NAT1: variants seen among roughly 807,000 people sequenced by gnomAD.
NAT1 encodes arylamine N-acetyltransferase 1.
For synonymous variants in NAT1, 144 were observed against 122.6 expected (o/e 1.17, Z -1.16); for missense variants, 400 against 339.2 (o/e 1.18, Z -1.41).
intron 1 of NAT1, among the ~76,000 whole-genome samples, chr8:18,217,548 G>C (rs1804808720): frequency 6.6e-6 from 1 of 152,124 alleles, no homozygotes; most frequent in Non-Finnish European, 1.5e-5. Context: ...AAAGTAAGTG[G>C]GACTTTCTGT....
At chr8:18,180,970 T>C (rs1417391241) in intron 2 of NAT1, among the ~76,000 whole-genome samples, 2 of 152,138 alleles carry the variant, frequency 1.3e-5, no homozygotes, top group South Asian at 2.1e-4. Flanking sequence ...TTGGTCTGGA[T>C]TGCTTTAGCT....
upstream of NAT1, among the ~76,000 whole-genome samples, chr8:18,208,110 C>T (rs572479956): frequency 3.9e-4 from 52 of 134,706 alleles, no homozygotes; most frequent in Admixed American, 2.7e-3. Context: ...CACTGGGGCC[C>T]GTTGGGGTGA....
At chr8:18,200,205 G>T (rs891517764) in intron 2 of NAT1, among the ~76,000 whole-genome samples, 4 of 152,136 alleles carry the variant, frequency 2.6e-5, no homozygotes, top group Non-Finnish European at 5.9e-5. Flanking sequence ...ATACCCAAAG[G>T]AATATAAATT....
chr8:18,192,519 T>C (rs988497376), intron 2 of NAT1, among the ~76,000 whole-genome samples: 1 of 152,228 alleles, frequency 6.6e-6, no homozygotes, highest in Non-Finnish European at 1.5e-5. Flanking sequence ...TAAATCATGC[T>C]GCTATAAAGA....
intron 2 of NAT1, among the ~76,000 whole-genome samples, chr8:18,175,060 G>GAGTA (rs61625201): frequency 0.33 from 49,494 of 151,658 alleles, 10,502 homozygotes; most frequent in African/African-American, 0.6. Flanking sequence ...TTTTTGTAGA[G>GAGTA]AGTTTTAGTT....
chr8:18,203,919 C>G (rs1803586357), intron 2 of NAT1, among the ~76,000 whole-genome samples: 2 of 152,152 alleles, frequency 1.3e-5, no homozygotes. Flanking sequence ...AAGATGGTGG[C>G]TCCATCTTCC....
intron 2 of NAT1, among the ~76,000 whole-genome samples, chr8:18,192,835 T>C (rs1803056600): frequency 6.7e-6 from 1 of 149,150 alleles, no homozygotes; most frequent in African/African-American, 2.5e-5. Context: ...CTCTGGGGAC[T>C]GTTGTGGGGT....
At chr8:18,183,102 G>C (rs1005845099) in intron 2 of NAT1, among the ~76,000 whole-genome samples, 1 of 152,176 alleles carries the variant, frequency 6.6e-6, no homozygotes, top group Admixed American at 6.5e-5. Context: ...GGACTGGGAA[G>C]ACTAAGGTCA....
At chr8:18,214,909 G>A (rs1804479204) in intron 1 of NAT1, among the ~76,000 whole-genome samples, 1 of 152,120 alleles carries the variant, frequency 6.6e-6, no homozygotes, top group Non-Finnish European at 1.5e-5. Context: ...TCATGATTTA[G>A]CTCCCACTTA....
intron 2 of NAT1, among the ~76,000 whole-genome samples, chr8:18,204,163 TTCTCTCTCTC>T (rs111268683): frequency 1.3e-5 from 2 of 148,622 alleles, no homozygotes; most frequent in Admixed American, 6.7e-5. Context: ...TTGGATGTCT[TTCTCTCTCTC>T]TCTCTCTCTC....
At chr8:18,205,199 C>T (rs964148902), upstream of NAT1, among the ~76,000 whole-genome samples, 8 of 152,198 alleles carry the variant, frequency 5.3e-5, no homozygotes, top group South Asian at 2.1e-4. Flanking sequence ...GTAGGTTGCA[C>T]GCTTGTCAGC....
intron 1 of NAT1, among the ~76,000 whole-genome samples, chr8:18,217,862 C>A (rs1317285328): frequency 6.6e-6 from 1 of 152,094 alleles, no homozygotes; most frequent in Non-Finnish European, 1.5e-5. Flanking sequence ...AATAATGAGC[C>A]CCTTTTTAGA....
At chr8:18,195,324 A>G (rs1338526639) in intron 2 of NAT1, among the ~76,000 whole-genome samples, 4 of 152,248 alleles carry the variant, frequency 2.6e-5, no homozygotes, top group Admixed American at 1.3e-4. Context: ...CCAGAACTGC[A>G]GTCCCTAAAC....
At chr8:18,179,065 C>T (rs762649290) in intron 2 of NAT1, among the ~76,000 whole-genome samples, 5 of 152,080 alleles carry the variant, frequency 3.3e-5, no homozygotes, top group Non-Finnish European at 5.9e-5. Context: ...ACTGTATGCC[C>T]GGCCTTCTCT....
rs1805479469 is a variant in NAT1 at position 18,222,785 on chromosome 8, T to G, written c.738T>G (p.Tyr246Ter). The G allele has an allele frequency of 6.2e-7, 1 of 1,613,398 alleles. No individual in the cohort carries two copies. Among genetic ancestry groups the G allele is most frequent in the African/African-American group, 1.3e-5 (1 of 74,894 alleles). ...GFTLTHRRFN[Y>*]KDNTDLIEFK... ...CCCTCACCCATAGGAGATTCAATTATAAGGACAATACAGATCTAATAGAGT... is the reference window on the plus strand; with the variant it reads ...CCCTCACCCATAGGAGATTCAATTAGAAGGACAATACAGATCTAATAGAGT... Residue 246 changes from tyrosine (Y) to a stop codon, truncating the protein, a stop_gained, in exon 3 of 3, where the codon TAT (tyrosine) becomes TAG (stop). Coordinates refer to ENST00000307719, the MANE Select transcript of NAT1 (RefSeq NM_000662.8). LOFTEE classifies it low-confidence loss of function (END_TRUNC).
chr8:18,171,573 T>C (rs543098577), intron 2 of NAT1, among the ~76,000 whole-genome samples: 7 of 152,270 alleles, frequency 4.6e-5, no homozygotes, highest in East Asian at 1.9e-4. Context: ...GGAGGAATTG[T>C]TGAAAACCTC....
chr8:18,181,862 T>G (rs1050100323), intron 2 of NAT1, among the ~76,000 whole-genome samples: 7 of 152,182 alleles, frequency 4.6e-5, no homozygotes, highest in Non-Finnish European at 1.5e-5. Flanking sequence ...TTTCCTCCAG[T>G]TGGGGCAGTG....
At chr8:18,188,775 T>A in intron 2 of NAT1, among the ~76,000 whole-genome samples, 1 of 151,448 alleles carries the variant, frequency 6.6e-6, no homozygotes, top group East Asian at 1.9e-4. Context: ...GGCGGGTGGA[T>A]CATGAGGTTA....
intron 2 of NAT1, among the ~76,000 whole-genome samples, chr8:18,201,381 G>A (rs1412692098): frequency 1.3e-5 from 2 of 152,014 alleles, no homozygotes; most frequent in East Asian, 1.9e-4. Context: ...CTGTTCATTC[G>A]GAAGGGAAGA....
Sources: allele counts gnomAD v4.1 joint callset (sites outside exome capture counted in the v4.1 genomes callset), GRCh38; gene constraint gnomAD v4.1.1; transcripts MANE v1.5; gene names NCBI Gene and HGNC (gene_info 2026-07-23, HGNC 2026-07-21).